PTPRM: variants seen among roughly 807,000 people sequenced by gnomAD.
PTPRM encodes receptor-type tyrosine-protein phosphatase mu.
Under a neutral mutation model 186.7 loss-of-function variants are expected in PTPRM, and 47 were observed. The ratio of observed to expected loss-of-function variants is 0.25; its 90% CI spans 0.20 to 0.32. The LOEUF is 0.32. Ranked by LOEUF, PTPRM falls within the 10% of genes least tolerant of loss-of-function variation. PTPRM has a pLI of 1.00. For synonymous variants in PTPRM, 668 were observed against 674.9 expected, an observed-to-expected ratio of 0.99 and a Z score of 0.16; for missense variants, 1,494 against 1,865.0, an observed-to-expected ratio of 0.80 and a Z score of 3.66.
chr18:8,050,340 C>A (rs1378981096), intron 7 of PTPRM, among the ~76,000 whole-genome samples: 1 of 152,182 alleles, frequency 6.6e-6, no homozygotes, highest in Non-Finnish European at 1.5e-5. Context: ...GATGAACTGT[C>A]ACATCAGGAA....
At chr18:8,274,517 CA>C (rs1412502426) in intron 19 of PTPRM, among the ~76,000 whole-genome samples, 7 of 152,154 alleles carry the variant, frequency 4.6e-5, no homozygotes, top group Non-Finnish European at 1.0e-4. Context: ...TAGTGGCTGT[CA>C]TGATTCTTCT....
intron 14 of PTPRM, among the ~76,000 whole-genome samples, chr18:8,202,630 G>A (rs750790369): frequency 2.6e-5 from 4 of 151,488 alleles, no homozygotes; most frequent in Non-Finnish European, 4.4e-5. Context: ...GGTTTCTCAC[G>A]GAACTGCCTG....
chr18:7,821,043 T>C (rs1260565493), intron 2 of PTPRM, among the ~76,000 whole-genome samples: 1 of 152,060 alleles, frequency 6.6e-6, no homozygotes, highest in Non-Finnish European at 1.5e-5. Flanking sequence ...AGGAGGAAAT[T>C]CTTCTGTAAC....
intron 13 of PTPRM, among the ~76,000 whole-genome samples, chr18:8,119,689 C>T (rs962167042): frequency 1.3e-5 from 2 of 151,972 alleles, no homozygotes; most frequent in Non-Finnish European, 2.9e-5. Context: ...TTATTTGATC[C>T]GAATTCATTT....
In PTPRM at chr18:8,101,817, T is replaced by C. The variant is rs79433852; in HGVS notation, c.1857-11669T>C. Among the ~76,000 whole-genome samples the C allele has an allele frequency of 7.9e-3, 1,207 of 152,298 alleles. 13 individuals carry two copies. Among genetic ancestry groups the C allele is most frequent in the African/African-American group, 0.027 (1,116 of 41,580 alleles). On this transcript the variant is annotated intron_variant, in intron 11 of 32. Transcript: ENST00000580170. ...GTGCTCATTCTCTTGTCCCCCACTT[T>C]GCTTGATCAGAAGACATCTTTCCTC...
chr18:7,694,965 C>A (rs540650943), intron 1 of PTPRM, among the ~76,000 whole-genome samples: 1 of 152,288 alleles, frequency 6.6e-6, no homozygotes, highest in East Asian at 1.9e-4. Flanking sequence ...TGTGCTAAGT[C>A]TTTCCTAAGC....
At chr18:8,035,859 A>C (rs995214607) in intron 7 of PTPRM, among the ~76,000 whole-genome samples, 1 of 152,190 alleles carries the variant, frequency 6.6e-6, no homozygotes, top group African/African-American at 2.4e-5. Flanking sequence ...TTATTTTTTA[A>C]CAACCCTGTT....
At chr18:8,205,937 G>C (rs1330191027) in intron 14 of PTPRM, among the ~76,000 whole-genome samples, 4 of 152,166 alleles carry the variant, frequency 2.6e-5, no homozygotes, top group Admixed American at 6.5e-5. Flanking sequence ...TAGGATCACT[G>C]TTCTTTGGTG....
At chr18:7,957,478 G>T (rs115858228) in intron 7 of PTPRM, among the ~76,000 whole-genome samples, 1 of 152,152 alleles carries the variant, frequency 6.6e-6, no homozygotes, top group Non-Finnish European at 1.5e-5. Context: ...ATGACGATGC[G>T]CCCTTTCCTC....
At chr18:8,309,372 T>TACA (rs2095250783) in intron 20 of PTPRM, among the ~76,000 whole-genome samples, 1 of 152,240 alleles carries the variant, frequency 6.6e-6, no homozygotes, top group Non-Finnish European at 1.5e-5. Context: ...TGGTATCTCA[T>TACA]TGTAAGCTGG....
chr18:8,285,745 A>T (rs1051186537), intron 19 of PTPRM, among the ~76,000 whole-genome samples: 6 of 152,098 alleles, frequency 3.9e-5, no homozygotes, highest in Admixed American at 3.3e-4. Flanking sequence ...TAATCCCAAC[A>T]CTTTGAGAGG....
chr18:8,049,798 G>A lies in PTPRM; in HGVS notation c.1133-19888G>A, dbSNP rs560052955. On this transcript the variant is annotated intron_variant, in intron 7 of 32. Coordinates refer to ENST00000580170, the MANE Select transcript of PTPRM (RefSeq NM_001105244.2). ...GCAGTCTCAGCTCACTGCAACCCCC[G>A]CCTCTCAGGTTCATGTGATTCTCCT... is the stretch of plus-strand genomic sequence containing the variant. 1.2e-3 allele frequency among the ~76,000 whole-genome samples: 179 copies of A among 150,754 alleles called. 1 individual carries two copies. Among genetic ancestry groups the A allele is most frequent in the Non-Finnish European group, 1.9e-3 (130 of 67,808 alleles).
rs117615394 is a variant in PTPRM at position 7,727,220 on chromosome 18, C to A, written c.74-46929C>A. On this transcript the variant is annotated intron_variant, in intron 1 of 32. Coordinates refer to ENST00000580170, the MANE Select transcript of PTPRM (RefSeq NM_001105244.2). Reference sequence around the variant, plus strand: ...AATGGAGGGTCCATGACTGAGTAACCCATGAGACCAGCTTCTTTCACCTCT... The same window carrying A: ...AATGGAGGGTCCATGACTGAGTAACACATGAGACCAGCTTCTTTCACCTCT... 6.8e-3 allele frequency among the ~76,000 whole-genome samples: 1,038 copies of A among 152,040 alleles called. 3 individuals are homozygous for A. The highest frequency in any genetic ancestry group is 0.011 in the Admixed American group (164 of 15,266).
chr18:8,378,261 C>T lies in PTPRM; in HGVS notation c.3463-4C>T. ...TTAGTAACTCGTTCCATCTCCTTCT[C>T]CAGGAGCAGTATGTGTTTATCCACG... On this transcript the variant is annotated splice_region_variant and splice_polypyrimidine_tract_variant and intron_variant, in intron 26 of 32. Coordinates refer to ENST00000580170, the MANE Select transcript of PTPRM (RefSeq NM_001105244.2). 3 of 1,608,370 alleles carry T rather than the reference C, an allele frequency of 1.9e-6. No individual in the cohort carries two copies. The highest frequency in any genetic ancestry group is 1.7e-6 in the Non-Finnish European group (2 of 1,175,360).
At chr18:7,825,503 G>T (rs997370056) in intron 2 of PTPRM, among the ~76,000 whole-genome samples, 2 of 152,056 alleles carry the variant, frequency 1.3e-5, no homozygotes, top group African/African-American at 4.8e-5. Context: ...CCAGGTGTTT[G>T]TGAGGGATGG....
intron 1 of PTPRM, among the ~76,000 whole-genome samples, chr18:7,627,804 C>A (rs556304362): frequency 5.7e-4 from 87 of 152,188 alleles, no homozygotes; most frequent in African/African-American, 2.0e-3. Flanking sequence ...AGAAGGTCCT[C>A]TCTAAGGACA....
chr18:8,246,799 A>G (rs2094481021), intron 15 of PTPRM, among the ~76,000 whole-genome samples: 1 of 152,200 alleles, frequency 6.6e-6, no homozygotes, highest in African/African-American at 2.4e-5. Context: ...TCTACACTTT[A>G]AAAATATAAA....
chr18:7,607,521 T>C (rs1039225392), intron 1 of PTPRM, among the ~76,000 whole-genome samples: 3 of 152,182 alleles, frequency 2.0e-5, no homozygotes, highest in African/African-American at 7.2e-5. Context: ...CCACAGGCCT[T>C]CTTGTGTGAC....
chr18:7,905,608 G>A (rs2049937410), intron 3 of PTPRM, among the ~76,000 whole-genome samples: 1 of 152,108 alleles, frequency 6.6e-6, no homozygotes, highest in Non-Finnish European at 1.5e-5. Context: ...CTTTGTGGCG[G>A]TAGGTCCCAA....
Sources: gnomAD v4.1 joint callset for allele counts (sites outside exome capture counted in the v4.1 genomes callset) on GRCh38, gnomAD v4.1.1 for gene constraint, MANE v1.5 for transcripts, NCBI Gene and HGNC (gene_info 2026-07-23, HGNC 2026-07-21) for gene names.